The following CAPN8 variants were observed in gnomAD, a reference collection of about 807,000 sequenced individuals.
CAPN8 encodes calpain-8.
Under a neutral mutation model 80.9 loss-of-function variants are expected in CAPN8, and 87 were observed. The observed-to-expected ratio is 1.07, with a 90% CI of 0.90 to 1.28. The LOEUF (loss-of-function observed/expected upper bound fraction) is 1.28. Among genes scored for constraint, CAPN8 ranks in the 50% most tolerant of loss-of-function variants. The probability of loss-of-function intolerance (pLI) is 0.00; values close to 1 mark genes in which losing one functional copy is unlikely to be tolerated. For missense variants in CAPN8, 757 were observed against 702.0 expected, an observed-to-expected ratio of 1.08 and a Z score of -0.89; for synonymous variants, 299 against 273.8, an observed-to-expected ratio of 1.09 and a Z score of -0.91.
chr1:223,610,661 A>C (rs1352372301), intron 11 of CAPN8, among the ~76,000 whole-genome samples: 1 of 152,102 alleles, frequency 6.6e-6, no homozygotes, highest in African/African-American at 2.4e-5. Flanking sequence ...GAGAAGTCCT[A>C]TTTGGGGGCC....
rs1464791478 is a variant in CAPN8 at position 223,541,797 on chromosome 1, A to T, written c.*39T>A. ...AGAGAAGGGGTGACAAGAAGCAAGC[A>T]GTGGGGCAGGGAGTGTCACTGATGT... On this transcript the variant is annotated 3_prime_UTR_variant, in exon 21 of 21. Coordinates refer to ENST00000366872, the MANE Select transcript of CAPN8 (RefSeq NM_001143962.2). The T allele has an allele frequency of 6.4e-7, 1 of 1,551,544 alleles. No homozygotes were observed. Among genetic ancestry groups the T allele is most frequent in the Non-Finnish European group, 8.7e-7 (1 of 1,146,920 alleles).
chr1:223,622,155 G>A (rs894120908), intron 7 of CAPN8, among the ~76,000 whole-genome samples: 3 of 152,108 alleles, frequency 2.0e-5, no homozygotes, highest in African/African-American at 7.2e-5. Context: ...CCTCTGCCAG[G>A]CCAGCTGTGC....
intron 1 of CAPN8, among the ~76,000 whole-genome samples, chr1:223,657,979 C>T (rs1198730302): frequency 6.6e-6 from 1 of 152,074 alleles, no homozygotes; most frequent in Non-Finnish European, 1.5e-5. Flanking sequence ...TTTCTCCTTG[C>T]CTCTCTGAGC....
chr1:223,544,304 A>G, intron 18 of CAPN8, 121 bp from the exon 19 acceptor site: 1 of 633,410 alleles, frequency 1.6e-6, no homozygotes. Context: ...TCTGCAAACC[A>G]GGCCTGACTC....
chr1:223,625,626 A>G (rs1375108072), intron 6 of CAPN8, among the ~76,000 whole-genome samples, 179 bp downstream of exon 6: 1 of 152,118 alleles, frequency 6.6e-6, no homozygotes, highest in African/African-American at 2.4e-5. Flanking sequence ...GCAAAAGCTA[A>G]TGCTCATCTG....
rs1269990321 is a variant in CAPN8, at chr1:223,609,136, G to A, written c.1535+17C>T. 8.8e-5 allele frequency: 35 copies of A among 398,280 alleles called. No individual in the cohort carries two copies. Among genetic ancestry groups the A allele is most frequent in the Non-Finnish European group, 1.5e-4 (34 of 226,100 alleles). The allele number at this position is 398,280 out of a possible 1,614,324, so 24.7% of individuals were successfully genotyped here. ...CCACAGACAACTGTTCCCCACCACG[G>A]AGGGAAGGAGACGCACAGGGCCTGG... On this transcript the variant is annotated intron_variant, in intron 12 of 20. Transcript: ENST00000366872.
Position 223,654,327 on chromosome 1 carries a change from C to G in CAPN8, c.307+3G>C. The G allele has an allele frequency of 1.9e-6, 3 of 1,551,688 alleles. No homozygotes were observed. On this transcript the variant is annotated splice_donor_region_variant and intron_variant, in intron 2 of 20. Coordinates refer to ENST00000366872, the MANE Select transcript of CAPN8 (RefSeq NM_001143962.2). The stretch of plus-strand genomic sequence containing the variant: ...ACAAATAAGACTCTCCCCAGTTACT[C>G]ACCTAGACCACCCTGACAAATGTCT...
chr1:223,628,047 A>T lies in CAPN8; in HGVS notation c.522T>A (p.Asn174Lys), dbSNP rs1179713734. The T allele has an allele frequency of 6.5e-7, 1 of 1,549,016 alleles. No individual in the cohort carries two copies. Among genetic ancestry groups the T allele is most frequent in the South Asian group, 1.2e-5 (1 of 83,852 alleles). ...QLLFLHSEQG[N>K]EFWSALLEKA... ...TCTCCAGCAGGGCACTCCAGAATTC[A>T]TTGCCTTGTTCCGAGTGTAGGAAGA... The change falls in exon 4 of 21, where the codon AAT (asparagine) becomes AAA (lysine). Residue 174 changes from asparagine (N) to lysine (K), a missense_variant. Transcript: ENST00000366872.
Position 223,541,694 on chromosome 1 carries a change from C to A in CAPN8, c.*142G>T. 1 of 1,335,336 alleles carries A rather than the reference C, an allele frequency of 7.5e-7. No individual in the cohort carries two copies. The highest frequency in any genetic ancestry group is 1.3e-5 in the South Asian group (1 of 77,846). 82.7% of individuals were successfully genotyped at this position (1,335,336 alleles called of 1,614,324 possible). ...GGCTTACATAGCTCATAGCTCAGTG[C>A]TGCTGAAATAGACCCAGGGCAAGAA... On this transcript the variant is annotated 3_prime_UTR_variant, in exon 21 of 21. Coordinates refer to ENST00000366872, the MANE Select transcript of CAPN8 (RefSeq NM_001143962.2).
At chr1:223,552,946 T>C (rs1030848635) in intron 14 of CAPN8, among the ~76,000 whole-genome samples, 25 of 152,294 alleles carry the variant, frequency 1.6e-4, no homozygotes, top group African/African-American at 5.8e-4. Context: ...AAAACATAAA[T>C]TGGCTCATCT....
At chr1:223,547,973 C>T (rs994959303) in intron 16 of CAPN8, among the ~76,000 whole-genome samples, 7 of 152,218 alleles carry the variant, frequency 4.6e-5, no homozygotes, top group African/African-American at 1.7e-4. Flanking sequence ...GCCCCAGCCT[C>T]ATGCAGGGAG....
chr1:223,545,319 A>G lies in CAPN8; in HGVS notation c.1765-20T>C. 6.4e-7 allele frequency: 1 copy of G among 1,551,506 alleles called. No homozygotes were observed. Among genetic ancestry groups the G allele is most frequent in the Non-Finnish European group, 8.7e-7 (1 of 1,146,884 alleles). On this transcript the variant is annotated intron_variant, in intron 16 of 20. Transcript: ENST00000366872. Reference sequence around the variant, plus strand: ...ATTGCTCTAGGCACATTAAAGACCAACATGATTGAGTCCAAATTCTACATG... The same window carrying G: ...ATTGCTCTAGGCACATTAAAGACCAGCATGATTGAGTCCAAATTCTACATG...
At chr1:223,640,728 C>T (rs1477586040) in intron 2 of CAPN8, among the ~76,000 whole-genome samples, 1 of 152,136 alleles carries the variant, frequency 6.6e-6, no homozygotes, top group Non-Finnish European at 1.5e-5. Flanking sequence ...AAATAGTCAT[C>T]ATCCAGGAGC....
intron 1 of CAPN8, among the ~76,000 whole-genome samples, chr1:223,655,580 G>T (rs1307171280): frequency 6.6e-6 from 1 of 152,170 alleles, no homozygotes; most frequent in Non-Finnish European, 1.5e-5. Flanking sequence ...AGCAAACCAA[G>T]ATTGACATTA....
In CAPN8 at chr1:223,665,581, T is replaced by C; in HGVS notation, c.66A>G (p.Gln22=). The C allele has an allele frequency of 1.3e-6, 2 of 1,551,598 alleles. No individual in the cohort carries two copies. The highest frequency in any genetic ancestry group is 1.7e-4 in the Middle Eastern group (1 of 5,990). ...CCTGGCCCAAGTACTTCAAAGCGTT[T>C]TGGTTGGAGCCAAGACCTTGAGTGG... ...RAATQGLGSN[Q]NALKYLGQDF... Residue 22 remains glutamine, a synonymous_variant, in exon 1 of 21, where the codon CAA becomes CAG. Coordinates refer to ENST00000366872, the MANE Select transcript of CAPN8 (RefSeq NM_001143962.2).
intron 13 of CAPN8, 48 bp from the exon 14 acceptor site, chr1:223,553,948 A>G: frequency 2.5e-6 from 1 of 398,592 alleles, no homozygotes; most frequent in Middle Eastern, 6.3e-4. Flanking sequence ...CGTCAAGGAG[A>G]ATGAAAGACG....
chr1:223,557,285 GGT>G (rs1485953713), intron 13 of CAPN8, among the ~76,000 whole-genome samples: 10 of 152,232 alleles, frequency 6.6e-5, no homozygotes, highest in African/African-American at 1.9e-4. Flanking sequence ...TGTGTATATG[GGT>G]GTGTGTGTGT....
intron 14 of CAPN8, among the ~76,000 whole-genome samples, chr1:223,553,117 G>A (rs913049207): frequency 3.3e-5 from 5 of 151,808 alleles, no homozygotes; most frequent in African/African-American, 4.8e-5. Context: ...TTCCTCTTCC[G>A]GGCCCTTTTC....
chr1:223,552,518 C>G (rs1224785197), intron 14 of CAPN8, among the ~76,000 whole-genome samples: 1 of 147,376 alleles, frequency 6.8e-6, no homozygotes, highest in Non-Finnish European at 1.5e-5. Context: ...GAGCCGTGCA[C>G]CACTGCACTC....
Sources: gnomAD v4.1 joint callset for allele counts (sites outside exome capture counted in the v4.1 genomes callset) on GRCh38, gnomAD v4.1.1 for gene constraint, MANE v1.5 for transcripts, NCBI Gene and HGNC (gene_info 2026-07-23, HGNC 2026-07-21) for gene names.